Variants in FMN1 observed in about 807,000 individuals in gnomAD.
The protein encoded by FMN1 is formin 1, also known as formin-1.
FMN1 carries 110 observed loss-of-function variants against 132.4 expected under a neutral mutation model. That is an observed-to-expected ratio of 0.83 (90% CI 0.71 to 0.97). The LOEUF (loss-of-function observed/expected upper bound fraction) is 0.97. Ranked by LOEUF, FMN1 falls within the 50% of genes least tolerant of loss-of-function variation. The pLI, the probability that FMN1 is intolerant of heterozygous loss-of-function variation, is 0.00. For synonymous variants in FMN1, 722 were observed against 651.7 expected (o/e 1.11, Z -1.64); for missense variants, 1,792 against 1,705.3 (o/e 1.05, Z -0.90).
chr15:33,028,315 A>C (rs2035775476), intron 6 of FMN1, among the ~76,000 whole-genome samples: 1 of 152,190 alleles, frequency 6.6e-6, no homozygotes, highest in Admixed American at 6.5e-5. Flanking sequence ...GATTATAAAA[A>C]GTAAGCTCCT....
At chr15:32,845,704 G>C (rs1378784652) in intron 17 of FMN1, among the ~76,000 whole-genome samples, 2 of 152,136 alleles carry the variant, frequency 1.3e-5, no homozygotes, top group African/African-American at 2.4e-5. Flanking sequence ...CTATGCACCT[G>C]TTGAAGTCAA....
intron 15 of FMN1, among the ~76,000 whole-genome samples, chr15:32,897,302 T>C (rs949621673): frequency 3.3e-5 from 5 of 152,240 alleles, no homozygotes; most frequent in African/African-American, 7.2e-5. Context: ...TAAATTTTTA[T>C]GGCTTTCAGT....
intron 7 of FMN1, among the ~76,000 whole-genome samples, chr15:32,973,906 C>T (rs758401478): frequency 6.6e-5 from 10 of 152,142 alleles, no homozygotes; most frequent in Admixed American, 2.6e-4. Context: ...TGTTCCCCCT[C>T]CTTTATCCAG....
chr15:33,128,336 C>T (rs1326166939), intron 4 of FMN1, among the ~76,000 whole-genome samples: 3 of 152,154 alleles, frequency 2.0e-5, no homozygotes, highest in Admixed American at 6.5e-5. Context: ...GGTCTGATTC[C>T]GGGCCTGATC....
intron 4 of FMN1, among the ~76,000 whole-genome samples, chr15:33,128,010 A>G (rs541774684): frequency 6.6e-6 from 1 of 152,336 alleles, no homozygotes; most frequent in Non-Finnish European, 1.5e-5. Flanking sequence ...AGGGGAAAAT[A>G]GACAAATCAT....
chr15:33,184,752 C>A (rs1163259508), intron 2 of FMN1, among the ~76,000 whole-genome samples: 1 of 152,166 alleles, frequency 6.6e-6, no homozygotes, highest in Non-Finnish European at 1.5e-5. Context: ...GATCTGCCCA[C>A]CTCGGCCTCC....
chr15:33,171,166 T>G (rs1470003463), intron 3 of FMN1, among the ~76,000 whole-genome samples: 1 of 152,078 alleles, frequency 6.6e-6, no homozygotes, highest in Non-Finnish European at 1.5e-5. Context: ...GCTAAAAAAT[T>G]GATATCATGT....
In FMN1 at chr15:32,769,398, C is replaced by T. The variant is rs1336680945; in HGVS notation, c.*4912G>A. 2 of 152,166 alleles carry T rather than the reference C, an allele frequency of 1.3e-5. No homozygotes were observed. Among genetic ancestry groups the T allele is most frequent in the Admixed American group, 6.5e-5 (1 of 15,272 alleles). The allele number at this position is 152,166 out of a possible 1,614,324, so 9.4% of individuals were successfully genotyped here. A position where few individuals can be genotyped will look rare whatever the true frequency, so the allele number is the denominator to read the frequency against. On this transcript the variant is annotated 3_prime_UTR_variant, in exon 21 of 21. Coordinates refer to ENST00000616417, the MANE Select transcript of FMN1 (RefSeq NM_001277313.2). ...AGAATTGTGAAACCAAAATGCAGTG[C>T]CTCTAATAAGGTGTCAACAGCGGAC...
intron 19 of FMN1, among the ~76,000 whole-genome samples, chr15:32,793,511 C>T (rs2057166235): frequency 6.6e-6 from 1 of 152,128 alleles, no homozygotes; most frequent in South Asian, 2.1e-4. Flanking sequence ...GAACGCCTGA[C>T]CTCAGGTCAT....
chr15:32,914,930 A>T (rs1341373729), intron 10 of FMN1, among the ~76,000 whole-genome samples: 3 of 152,366 alleles, frequency 2.0e-5, no homozygotes, highest in East Asian at 1.9e-4. Context: ...CAGGTAAAAG[A>T]AGTAGATAAA....
chr15:32,800,613 G>A (rs1244449987), intron 18 of FMN1, among the ~76,000 whole-genome samples: 3 of 152,240 alleles, frequency 2.0e-5, no homozygotes, highest in Non-Finnish European at 2.9e-5. Flanking sequence ...CAGGACTTTA[G>A]AATGGGAAGG....
At chr15:32,791,890 TAC>T (rs1366481387) in intron 19 of FMN1, among the ~76,000 whole-genome samples, 1 of 152,100 alleles carries the variant, frequency 6.6e-6, no homozygotes, top group East Asian at 1.9e-4. Context: ...AGGCTGGGTA[TAC>T]AGTTTAATGT....
Position 32,922,801 on chromosome 15 carries a change from C to T in FMN1, c.3226+3373G>A, listed in dbSNP as rs548305982. Among the ~76,000 whole-genome samples, 10 of 152,240 alleles carry T rather than the reference C, an allele frequency of 6.6e-5. No homozygotes were observed. In the South Asian group the frequency reaches 1.7e-3, roughly 25 times the overall value. On this transcript the variant is annotated intron_variant, in intron 10 of 20. Transcript: ENST00000616417. The stretch of plus-strand genomic sequence containing the variant: ...CTATCAACTTAATGGTAGAGTTTTC[C>T]AAGAATCACGTACTGTATTTTGTCT...
intron 18 of FMN1, among the ~76,000 whole-genome samples, chr15:32,800,788 A>G (rs2057452052): frequency 6.6e-6 from 1 of 152,236 alleles, no homozygotes; most frequent in African/African-American, 2.4e-5. Flanking sequence ...CTCATGCTCA[A>G]TAACACAGGC....
chr15:33,105,665 A>G (rs921024627), intron 4 of FMN1: 2 of 152,174 alleles, frequency 1.3e-5, no homozygotes, highest in African/African-American at 4.8e-5. Context: ...TGGATATCTA[A>G]AGATTAATTA....
At chr15:32,926,121 A>G (rs1288188667) in intron 10 of FMN1, 53 bp downstream of exon 10, 1 of 952,442 alleles carries the variant, frequency 1.0e-6, no homozygotes, top group Non-Finnish European at 1.6e-6. Context: ...TTCAGAATGA[A>G]ATGTTTTTTA....
At chr15:32,961,143 T>C (rs1014782374) in intron 9 of FMN1, among the ~76,000 whole-genome samples, 7 of 152,006 alleles carry the variant, frequency 4.6e-5, no homozygotes, top group African/African-American at 1.7e-4. Flanking sequence ...CATCTTTTTT[T>C]TTTTTTTTAG....
chr15:33,055,354 C>T (rs551817694), intron 6 of FMN1, among the ~76,000 whole-genome samples: 3 of 152,302 alleles, frequency 2.0e-5, no homozygotes, highest in East Asian at 3.9e-4. Context: ...CAATGAAAAC[C>T]TTACATCTAT....
In FMN1 at chr15:32,889,225, G is replaced by A. The variant is rs1370418903; in HGVS notation, c.3715-933C>T. On this transcript the variant is annotated intron_variant, in intron 15 of 20. Coordinates refer to ENST00000616417, the MANE Select transcript of FMN1 (RefSeq NM_001277313.2). ...AACAAGCTCCACTGCTATAGCTAAT[G>A]GAGAATTCTCAGCTGAGAAACATCT... 2.6e-5 allele frequency among the ~76,000 whole-genome samples: 4 copies of A among 152,170 alleles called. No individual in the cohort carries two copies. In the East Asian group the frequency reaches 7.7e-4, roughly 29 times the overall value.
Sources: gnomAD v4.1 joint callset for allele counts (sites outside exome capture counted in the v4.1 genomes callset) on GRCh38, gnomAD v4.1.1 for gene constraint, MANE v1.5 for transcripts, NCBI Gene and HGNC (gene_info 2026-07-23, HGNC 2026-07-21) for gene names.